TIAM2: variants seen among roughly 807,000 people sequenced by gnomAD.
The protein encoded by TIAM2 is rho guanine nucleotide exchange factor TIAM2.
TIAM2 carries 80 observed loss-of-function variants against 152.9 expected under a neutral mutation model. That is an observed-to-expected ratio of 0.52 (90% CI 0.44 to 0.63). The LOEUF is 0.63. Among genes scored for constraint, TIAM2 ranks in the 30% least tolerant of loss-of-function variants. TIAM2 has a pLI of 0.00. For missense variants in TIAM2, 1,965 were observed against 2,120.1 expected (o/e 0.93, Z 1.44); for synonymous variants, 804 against 838.0 (o/e 0.96, Z 0.70).
intron 2 of TIAM2, among the ~76,000 whole-genome samples, chr6:155,120,344 T>A (rs1286017378): frequency 6.6e-6 from 1 of 152,230 alleles, no homozygotes; most frequent in Non-Finnish European, 1.5e-5. Flanking sequence ...CACAGCAGCT[T>A]GCTTTCTGCT....
intron 9 of TIAM2, 136 bp from the exon 10 acceptor site, chr6:155,176,680 G>A: frequency 1.2e-6 from 1 of 840,614 alleles, no homozygotes; most frequent in Admixed American, 2.6e-5. Context: ...GCCTCAGAGG[G>A]CTGTGAGAAG....
At position 155,070,414 on chromosome 6, in the gene TIAM2, A is replaced by G. The variant is rs538791548; in HGVS notation, c.-208-19875A>G. ...GTATTTTTAGTAGAGATGGGGTTTC[A>G]CCATGTTGGCCAGGCTGGTCTCAAA... On this transcript the variant is annotated intron_variant, in intron 1 of 26. Coordinates refer to ENST00000682666, the MANE Select transcript of TIAM2 (RefSeq NM_012454.4). Among the ~76,000 whole-genome samples, 154 of 150,684 alleles carry G rather than the reference A, an allele frequency of 1.0e-3. 1 individual carries two copies. The highest frequency in any genetic ancestry group is 3.4e-3 in the African/African-American group (141 of 40,936).
At chr6:155,094,545 A>AGTT (rs1562313996) in intron 2 of TIAM2, among the ~76,000 whole-genome samples, 10 of 80,674 alleles carry the variant, frequency 1.2e-4, no homozygotes, top group African/African-American at 4.1e-4. Flanking sequence ...CTTCACTCAG[A>AGTT]CTTTTTTTTT....
chr6:155,176,563 G>T (rs112536588), intron 9 of TIAM2, among the ~76,000 whole-genome samples: 147 of 152,262 alleles, frequency 9.7e-4, no homozygotes, highest in African/African-American at 3.4e-3. Context: ...TGGCATAAGC[G>T]GTCAATTGAC....
rs770274973 is a variant in TIAM2 at position 155,256,854 on chromosome 6, G to A, written c.4839G>A (p.Pro1613=). The change falls in exon 27 of 27, where the codon CCG becomes CCA. Residue 1613 remains proline (P), a synonymous_variant. Transcript: ENST00000682666. ...CCGAGGCTGAGCAGCAGCCTGGCCC[G>A]GAGTCGGGTGAGGGTCAGAAAGGAG... The part of the protein sequence containing the change: ...VHPEAEQQPG[P]ESGEGQKGGE... 14 of 1,614,068 alleles carry A rather than the reference G, an allele frequency of 8.7e-6. No individual in the cohort carries two copies. Among genetic ancestry groups the A allele is most frequent in the South Asian group, 6.6e-5 (6 of 91,088 alleles).
intron 21 of TIAM2, chr6:155,250,543 C>G (rs758836720): frequency 6.5e-7 from 1 of 1,535,538 alleles, no homozygotes; most frequent in African/African-American, 1.4e-5. Flanking sequence ...ATCAGCAGCC[C>G]GAATGGAGCT....
Position 155,236,761 on chromosome 6 carries a change from T to C in TIAM2, c.3169-3769T>C, listed in dbSNP as rs145535136. 8.0e-3 allele frequency among the ~76,000 whole-genome samples: 1,216 copies of C among 152,332 alleles called. 21 individuals are homozygous for C. Among genetic ancestry groups the C allele is most frequent in the African/African-American group, 0.027 (1,124 of 41,570 alleles). On this transcript the variant is annotated intron_variant, in intron 15 of 26. Transcript: ENST00000682666. ...CTCCTGTTTTTAAAATCATCAGATC[T>C]TGTGAGATCTATTCACTATTACAAG... is the stretch of plus-strand genomic sequence containing the variant.
chr6:155,214,366 C>G lies in TIAM2; in HGVS notation c.3168+3059C>G, dbSNP rs1002069949. 3.9e-5 allele frequency among the ~76,000 whole-genome samples: 6 copies of G among 152,224 alleles called. No homozygotes were observed. The highest frequency in any genetic ancestry group is 7.3e-5 in the Non-Finnish European group (5 of 68,038). On this transcript the variant is annotated intron_variant, in intron 15 of 26. Coordinates refer to ENST00000682666, the MANE Select transcript of TIAM2 (RefSeq NM_012454.4). This position sits in a 1 kb window ranked among gnomAD's most constrained non-coding sequence, Gnocchi z 5.4. The stretch of plus-strand genomic sequence containing the variant: ...ACCTTTTGGGGGTTGGTGACATCCC[C>G]TGTGTGTGAGGGACCAGGTTAGAGC...
At chr6:155,239,583 T>C (rs1467765097) in intron 15 of TIAM2, among the ~76,000 whole-genome samples, 10 of 152,360 alleles carry the variant, frequency 6.6e-5, no homozygotes, top group Non-Finnish European at 2.9e-5. Flanking sequence ...AGGCTGTCTT[T>C]GAGAAGGCGG....
At chr6:155,076,190 A>G (rs1025618337) in intron 1 of TIAM2, among the ~76,000 whole-genome samples, 1 of 152,016 alleles carries the variant, frequency 6.6e-6, no homozygotes, top group Non-Finnish European at 1.5e-5. Flanking sequence ...GGCATGGGGG[A>G]TGGAGCTTCC....
chr6:155,035,894 C>G (rs1776913636), intron 1 of TIAM2, among the ~76,000 whole-genome samples: 1 of 152,096 alleles, frequency 6.6e-6, no homozygotes, highest in African/African-American at 2.4e-5. Flanking sequence ...ACTTGTATCT[C>G]TTTATTTTTT....
intron 15 of TIAM2, among the ~76,000 whole-genome samples, chr6:155,225,431 G>A (rs916962070): frequency 2.6e-5 from 4 of 152,140 alleles, no homozygotes; most frequent in Non-Finnish European, 5.9e-5. Context: ...GGGGAAAGGT[G>A]GACCATCAAG....
intron 5 of TIAM2, among the ~76,000 whole-genome samples, chr6:155,138,929 C>G (rs1779622372): frequency 6.6e-6 from 1 of 152,042 alleles, no homozygotes; most frequent in Non-Finnish European, 1.5e-5. Context: ...TAAGCATTGC[C>G]ATTTAAAAAC....
At chr6:155,043,224 G>A (rs1402804160) in intron 1 of TIAM2, among the ~76,000 whole-genome samples, 14 of 152,204 alleles carry the variant, frequency 9.2e-5, no homozygotes, top group Non-Finnish European at 2.9e-5. Flanking sequence ...CAGAGCCAGG[G>A]GGCTTTTAGA....
chr6:155,106,183 T>G (rs1289146526), intron 2 of TIAM2, among the ~76,000 whole-genome samples: 1 of 151,864 alleles, frequency 6.6e-6, no homozygotes, highest in African/African-American at 2.4e-5. Context: ...TTTTGTAGTT[T>G]TAGTAGAGAC....
At chr6:155,162,368 C>A (rs1780294757) in intron 7 of TIAM2, among the ~76,000 whole-genome samples, 1 of 152,192 alleles carries the variant, frequency 6.6e-6, no homozygotes, top group Non-Finnish European at 1.5e-5. Context: ...AACTTTAATG[C>A]ATTATCCAAT....
At chr6:155,100,907 G>C (rs187287927) in intron 2 of TIAM2, among the ~76,000 whole-genome samples, 83 of 152,206 alleles carry the variant, frequency 5.5e-4, no homozygotes, top group Admixed American at 1.6e-3. Context: ...AGTGGGATCT[G>C]ATGTCACGCC....
At chr6:155,083,470 C>T (rs747328487) in intron 1 of TIAM2, among the ~76,000 whole-genome samples, 4 of 152,194 alleles carry the variant, frequency 2.6e-5, no homozygotes, top group Admixed American at 2.0e-4. Context: ...TTCCTGGCCC[C>T]GTGCAGCTTT....
chr6:155,029,592 T>C lies in TIAM2; in HGVS notation c.-209+34100T>C, dbSNP rs867779588. 1.5e-3 allele frequency among the ~76,000 whole-genome samples: 111 copies of C among 71,850 alleles called. 3 individuals are homozygous for C. Among genetic ancestry groups the C allele is most frequent in the African/African-American group, 6.6e-3 (107 of 16,298 alleles). The allele number at this position is 71,850 out of a possible 152,430, so 47.1% of individuals were successfully genotyped here. ...TATAATAGTATATATAACTATATAG[T>C]ATATATAGTTATATAACTCTGTATA... On this transcript the variant is annotated intron_variant, in intron 1 of 26. Coordinates refer to ENST00000682666, the MANE Select transcript of TIAM2 (RefSeq NM_012454.4).
Sources: allele counts gnomAD v4.1 joint callset (sites outside exome capture counted in the v4.1 genomes callset), GRCh38; gene constraint gnomAD v4.1.1; non-coding constraint Gnocchi (gnomAD v3.1); transcripts MANE v1.5; gene names NCBI Gene and HGNC (gene_info 2026-07-23, HGNC 2026-07-21).